IQGAP1: variants seen among roughly 807,000 people sequenced by gnomAD.
The protein encoded by IQGAP1 is IQ motif containing GTPase activating protein 1, also known as ras GTPase-activating-like protein IQGAP1.
Under a neutral mutation model 215.6 loss-of-function variants are expected in IQGAP1, and 66 were observed. The ratio of observed to expected loss-of-function variants is 0.31; its 90% confidence interval spans 0.25 to 0.38. The LOEUF (loss-of-function observed/expected upper bound fraction) is 0.38, where lower values mean the gene tolerates loss of function less well. IQGAP1 is among the 10% of genes least tolerant of loss of function. The pLI is 1.00. For missense variants in IQGAP1, 1,712 were observed against 1,997.1 expected, an observed-to-expected ratio of 0.86 and a Z score of 2.72; for synonymous variants, 772 against 728.7, an observed-to-expected ratio of 1.06 and a Z score of -0.96.
intron 2 of IQGAP1, among the ~76,000 whole-genome samples, chr15:90,423,821 A>C (rs558402285): frequency 3.3e-5 from 5 of 152,202 alleles, no homozygotes; most frequent in Admixed American, 3.3e-4. Context: ...GTTTTATAGC[A>C]GTTGGACTAG....
chr15:90,402,527 G>A (rs2253425), intron 2 of IQGAP1, among the ~76,000 whole-genome samples: 29,471 of 152,158 alleles, frequency 0.19, 3,549 homozygotes, highest in East Asian at 0.45. Context: ...TTCTGTTGGG[G>A]CAGCTGTTTG....
At chr15:90,427,770 C>T (rs1965245910) in intron 3 of IQGAP1, among the ~76,000 whole-genome samples, 2 of 151,866 alleles carry the variant, frequency 1.3e-5, no homozygotes, top group Admixed American at 1.3e-4. Flanking sequence ...TTGACAAGGA[C>T]CAAATTTTCT....
intron 15 of IQGAP1, among the ~76,000 whole-genome samples, chr15:90,463,350 T>C (rs1188602878): frequency 1.3e-5 from 2 of 152,208 alleles, no homozygotes; most frequent in East Asian, 3.8e-4. Context: ...TGCTCAGATA[T>C]CTGTTGTATG....
rs1450072104 is a variant in IQGAP1, at chr15:90,501,736, G to C, written c.*1628G>C. On this transcript the variant is annotated 3_prime_UTR_variant, in exon 38 of 38. Transcript: ENST00000268182. ...GTTTTTTAAAGAAACATTTTCCTCAGATTAAAAGATGATGCTATTACAACT... is the reference window on the plus strand; with the variant it reads ...GTTTTTTAAAGAAACATTTTCCTCACATTAAAAGATGATGCTATTACAACT... The C allele has an allele frequency of 6.6e-6, 1 of 152,106 alleles. No homozygotes were observed. The highest frequency in any genetic ancestry group is 2.4e-5 in the African/African-American group (1 of 41,402). 9.4% of individuals were successfully genotyped at this position (152,106 alleles called of 1,614,324 possible).
intron 5 of IQGAP1, among the ~76,000 whole-genome samples, 166 bp from the exon 6 acceptor site, chr15:90,439,166 A>AAACT (rs10656792): frequency 1.5e-4 from 23 of 151,534 alleles, no homozygotes; most frequent in African/African-American, 3.4e-4. Flanking sequence ...AAAAAAAAAA[A>AAACT]CTGAGGTAAA....
chr15:90,403,491 A>G (rs1446311031), intron 2 of IQGAP1, among the ~76,000 whole-genome samples: 1 of 152,182 alleles, frequency 6.6e-6, no homozygotes, highest in East Asian at 1.9e-4. Context: ...GAGACTATGC[A>G]AGTATATAAC....
intron 8 of IQGAP1, among the ~76,000 whole-genome samples, chr15:90,442,996 G>T (rs2151020002): frequency 6.6e-6 from 1 of 152,082 alleles, no homozygotes; most frequent in Non-Finnish European, 1.5e-5. Context: ...ATCTCGCTCA[G>T]TCACCTAGGC....
chr15:90,468,903 C>A (rs563126108), intron 18 of IQGAP1, among the ~76,000 whole-genome samples: 1 of 152,150 alleles, frequency 6.6e-6, no homozygotes, highest in African/African-American at 2.4e-5. Context: ...CTCTATGAAT[C>A]TTTTTAAAAT....
chr15:90,483,305 T>G, intron 28 of IQGAP1, 56 bp from the exon 29 acceptor site: 1 of 1,323,430 alleles, frequency 7.6e-7, no homozygotes, highest in South Asian at 1.2e-5. Flanking sequence ...AAGTCATTTA[T>G]AGCTTCCTTG....
intron 15 of IQGAP1, among the ~76,000 whole-genome samples, chr15:90,459,963 C>A (rs1176121157): frequency 6.6e-6 from 1 of 152,070 alleles, no homozygotes; most frequent in African/African-American, 2.4e-5. Flanking sequence ...TTAGCTAGTT[C>A]TTTAAACATT....
At chr15:90,411,628 T>G (rs1964967286) in intron 2 of IQGAP1, among the ~76,000 whole-genome samples, 1 of 152,174 alleles carries the variant, frequency 6.6e-6, no homozygotes, top group South Asian at 2.1e-4. Flanking sequence ...TCTCAAGAGC[T>G]GCTCACAGGT....
chr15:90,467,743 G>A, intron 18 of IQGAP1, 151 bp downstream of exon 18: 1 of 649,594 alleles, frequency 1.5e-6, no homozygotes. Context: ...TTTTGTAGTA[G>A]TTGGGGGAGT....
intron 3 of IQGAP1, among the ~76,000 whole-genome samples, 173 bp downstream of exon 3, chr15:90,426,439 A>G (rs1238746139): frequency 1.3e-5 from 2 of 152,194 alleles, no homozygotes; most frequent in East Asian, 3.9e-4. Flanking sequence ...AATATGTACT[A>G]GGCAAATATT....
intron 13 of IQGAP1, among the ~76,000 whole-genome samples, chr15:90,454,049 G>A (rs114136041): frequency 4.6e-5 from 7 of 152,122 alleles, no homozygotes; most frequent in Admixed American, 1.3e-4. Flanking sequence ...AAGCATTCAC[G>A]TGATATTTTT....
At chr15:90,452,444 A>G (rs1338987240) in intron 11 of IQGAP1, among the ~76,000 whole-genome samples, 1 of 152,222 alleles carries the variant, frequency 6.6e-6, no homozygotes, top group Admixed American at 6.5e-5. Flanking sequence ...ATGGTAGCTT[A>G]AGAAGCCAGG....
At chr15:90,464,035 C>T (rs1313458272) in intron 15 of IQGAP1, among the ~76,000 whole-genome samples, 1 of 152,216 alleles carries the variant, frequency 6.6e-6, no homozygotes, top group Non-Finnish European at 1.5e-5. Flanking sequence ...TCAGACCCTG[C>T]CTCATTTAGG....
Position 90,472,831 on chromosome 15 carries a change from C to T in IQGAP1, c.2179-9C>T, listed in dbSNP as rs961482290. On this transcript the variant is annotated splice_polypyrimidine_tract_variant and intron_variant, in intron 18 of 37. Transcript: ENST00000268182. ...TGAATGTCTTTGAATGTGACCACTG[C>T]TTTTTCAGAGTTCTATCTCTGGGGT... The T allele has an allele frequency of 1.3e-6, 2 of 1,596,128 alleles. No individual in the cohort carries two copies. The highest frequency in any genetic ancestry group is 1.8e-4 in the Middle Eastern group (1 of 5,462).
In IQGAP1 at chr15:90,430,262, G is replaced by A. The variant is rs529653655; in HGVS notation, c.390+596G>A. ...CCCAGTCCTGTCTGAATCTATAACT[G>A]CCACACTGTATGGTCACTCTTAGAG... On this transcript the variant is annotated intron_variant, in intron 4 of 37. Coordinates refer to ENST00000268182, the MANE Select transcript of IQGAP1 (RefSeq NM_003870.4). Among the ~76,000 whole-genome samples the A allele has an allele frequency of 3.7e-4, 57 of 152,166 alleles. 1 individual carries two copies. Among genetic ancestry groups the A allele is most frequent in the African/African-American group, 1.3e-3 (54 of 41,514 alleles).
Position 90,388,395 on chromosome 15 carries a change from C to T in IQGAP1, c.54C>T (p.Gly18=), listed in dbSNP as rs1256650120. 5 of 1,575,702 alleles carry T rather than the reference C, an allele frequency of 3.2e-6. No homozygotes were observed. The highest frequency in any genetic ancestry group is 4.3e-6 in the Non-Finnish European group (5 of 1,162,560). The stretch of plus-strand genomic sequence containing the variant: ...TGGGCGTGGCCCGGCCGCACTATGG[C>T]TGTGAGTGCGGGGCTCCGCGGCGCG... ...DGLGVARPHY[G]SVLDNERLTA... is the part of the protein sequence containing the mutation. The change falls in exon 1 of 38, where the codon GGC becomes GGT. Residue 18 remains glycine (G), a splice_region_variant and synonymous_variant. Coordinates refer to ENST00000268182, the MANE Select transcript of IQGAP1 (RefSeq NM_003870.4).
Sources: allele counts gnomAD v4.1 joint callset (sites outside exome capture counted in the v4.1 genomes callset), GRCh38; gene constraint gnomAD v4.1.1; transcripts MANE v1.5; gene names NCBI Gene and HGNC (gene_info 2026-07-23, HGNC 2026-07-21).